SEL1L2: variants seen among roughly 807,000 people sequenced by gnomAD.
SEL1L2 encodes SEL1L2 adaptor subunit of SYVN1 ubiquitin ligase, also known as protein sel-1 homolog 2.
A neutral mutation model predicts 98.8 loss-of-function variants in SEL1L2; 89 were observed. The observed-to-expected ratio is 0.90, with a 90% CI of 0.76 to 1.07. SEL1L2 has a LOEUF of 1.07. Ranked by LOEUF, SEL1L2 falls within the 50% of genes least tolerant of loss-of-function variation. The pLI, the probability that SEL1L2 is intolerant of heterozygous loss-of-function variation, is 0.00. For synonymous variants in SEL1L2, 262 were observed against 278.5 expected, an observed-to-expected ratio of 0.94 and a Z score of 0.59; for missense variants, 788 against 812.0, an observed-to-expected ratio of 0.97 and a Z score of 0.36.
At chr20:13,921,611 A>C (rs1477061012) in intron 3 of SEL1L2, among the ~76,000 whole-genome samples, 1 of 152,230 alleles carries the variant, frequency 6.6e-6, no homozygotes, top group Non-Finnish European at 1.5e-5. Flanking sequence ...ATTTACAGGA[A>C]ACACTTTCAA....
intron 5 of SEL1L2, among the ~76,000 whole-genome samples, chr20:13,908,385 A>T (rs541743353): frequency 3.3e-5 from 5 of 152,136 alleles, no homozygotes; most frequent in African/African-American, 1.2e-4. Context: ...CAGCCTCCCA[A>T]AATGTTGGGA....
At chr20:13,919,203 G>T (rs749887689) in intron 3 of SEL1L2, 80 bp from the exon 4 acceptor site, 48 of 841,658 alleles carry the variant, frequency 5.7e-5, no homozygotes, top group Non-Finnish European at 8.4e-5. Flanking sequence ...AAAGTAATTT[G>T]TTGGCATATT....
At chr20:13,908,623 A>C (rs1256730980) in intron 5 of SEL1L2, among the ~76,000 whole-genome samples, 1 of 152,240 alleles carries the variant, frequency 6.6e-6, no homozygotes, top group Non-Finnish European at 1.5e-5. Flanking sequence ...ACAGTATTTT[A>C]TAGGACATCT....
chr20:13,974,837 C>G (rs555697792), intron 1 of SEL1L2, among the ~76,000 whole-genome samples: 1 of 152,208 alleles, frequency 6.6e-6, no homozygotes, highest in Admixed American at 6.5e-5. Context: ...ACATTTTGGG[C>G]AAAAGTTTTC....
chr20:13,963,608 C>T (rs1008101193), intron 1 of SEL1L2, among the ~76,000 whole-genome samples: 12 of 151,382 alleles, frequency 7.9e-5, no homozygotes, highest in African/African-American at 2.2e-4. Flanking sequence ...CCCAGCTATT[C>T]GGGGGGCTGA....
chr20:13,858,142 C>T (rs1252546930), intron 18 of SEL1L2, among the ~76,000 whole-genome samples: 1 of 152,108 alleles, frequency 6.6e-6, no homozygotes, highest in Admixed American at 6.6e-5. Flanking sequence ...GACAGGATGG[C>T]AGGGATCCAT....
chr20:13,886,528 A>G (rs2046963835), intron 8 of SEL1L2, 86 bp from the exon 9 acceptor site: 2 of 1,036,594 alleles, frequency 1.9e-6, no homozygotes, highest in African/African-American at 1.6e-5. Flanking sequence ...CCGTTAGCTT[A>G]TTATCTTAAA....
chr20:13,884,165 A>G (rs1042320391), intron 10 of SEL1L2, among the ~76,000 whole-genome samples: 1 of 152,240 alleles, frequency 6.6e-6, no homozygotes, highest in Non-Finnish European at 1.5e-5. Context: ...AATGCAAAGT[A>G]GTAACAGATT....
intron 3 of SEL1L2, among the ~76,000 whole-genome samples, chr20:13,925,165 A>T (rs1368949002): frequency 1.3e-5 from 2 of 152,186 alleles, no homozygotes; most frequent in Admixed American, 6.5e-5. Context: ...TTGAGGTGCT[A>T]TGCCTTTTAT....
At chr20:13,864,660 T>C (rs1990710100) in intron 17 of SEL1L2, among the ~76,000 whole-genome samples, 1 of 152,168 alleles carries the variant, frequency 6.6e-6, no homozygotes, top group Non-Finnish European at 1.5e-5. Flanking sequence ...TTTGTTTTGG[T>C]TTGGTTTTTT....
At chr20:13,900,052 C>CTGA (rs1270899348) in intron 5 of SEL1L2, among the ~76,000 whole-genome samples, 2 of 152,042 alleles carry the variant, frequency 1.3e-5, no homozygotes, top group Non-Finnish European at 2.9e-5. Flanking sequence ...AAAAAAATTT[C>CTGA]TGATGGTTTT....
chr20:13,959,588 C>A (rs111307166), intron 1 of SEL1L2, among the ~76,000 whole-genome samples: 2 of 152,154 alleles, frequency 1.3e-5, no homozygotes, highest in Non-Finnish European at 1.5e-5. Flanking sequence ...TTGTCTCATC[C>A]GCCATATTCA....
At chr20:13,946,366 T>C (rs1044513575) in intron 2 of SEL1L2, among the ~76,000 whole-genome samples, 6 of 151,778 alleles carry the variant, frequency 4.0e-5, no homozygotes, top group South Asian at 4.1e-4. Context: ...AATAAGGAAA[T>C]TGAGGAAACA....
At chr20:13,935,998 G>C (rs1333638775) in intron 2 of SEL1L2, among the ~76,000 whole-genome samples, 1 of 152,158 alleles carries the variant, frequency 6.6e-6, no homozygotes, top group Non-Finnish European at 1.5e-5. Flanking sequence ...TTTTTAAACA[G>C]CAAATGCAAT....
At chr20:13,875,762 AG>A (rs1374247903) in intron 12 of SEL1L2, among the ~76,000 whole-genome samples, 1 of 152,146 alleles carries the variant, frequency 6.6e-6, no homozygotes. Flanking sequence ...CATAAGGGAG[AG>A]GGGAAAGCTG....
intron 10 of SEL1L2, among the ~76,000 whole-genome samples, chr20:13,879,117 G>A (rs986076224): frequency 1.3e-5 from 2 of 152,124 alleles, no homozygotes; most frequent in Non-Finnish European, 2.9e-5. Flanking sequence ...AGTATACAGA[G>A]GAGGGCTAAA....
At chr20:13,864,738 T>C (rs750665317) in intron 17 of SEL1L2, among the ~76,000 whole-genome samples, 3 of 146,244 alleles carry the variant, frequency 2.1e-5, no homozygotes, top group Admixed American at 1.4e-4. Flanking sequence ...GATATTTTAA[T>C]AGAGAAATCA....
intron 1 of SEL1L2, among the ~76,000 whole-genome samples, chr20:13,979,535 A>G (rs1337091783): frequency 6.6e-6 from 1 of 152,224 alleles, no homozygotes; most frequent in Non-Finnish European, 1.5e-5. Context: ...ATGATTATGT[A>G]TCAACGAAAA....
At chr20:13,912,346 G>A (rs925067542) in intron 5 of SEL1L2, among the ~76,000 whole-genome samples, 5 of 134,342 alleles carry the variant, frequency 3.7e-5, no homozygotes, top group African/African-American at 5.6e-5. Context: ...CGCCCACGTT[G>A]GAGTGCAGTG....
Sources: allele counts gnomAD v4.1 joint callset (sites outside exome capture counted in the v4.1 genomes callset), GRCh38; gene constraint gnomAD v4.1.1; transcripts MANE v1.5; gene names NCBI Gene and HGNC (gene_info 2026-07-23, HGNC 2026-07-21).